The following RASAL2 variants were observed in gnomAD, a reference collection of about 807,000 sequenced individuals.
RASAL2 encodes the protein RAS protein activator like 2, also known as ras GTPase-activating protein nGAP.
A neutral mutation model predicts 128.9 loss-of-function variants in RASAL2; 58 were observed. That is an observed-to-expected ratio of 0.45 (90% CI 0.36 to 0.56). RASAL2 has a LOEUF of 0.56. Ranked by LOEUF, RASAL2 falls within the 20% of genes least tolerant of loss-of-function variation. RASAL2 has a pLI of 0.00. For missense variants in RASAL2, 1,360 were observed against 1,601.6 expected, an observed-to-expected ratio of 0.85 and a Z score of 2.57; for synonymous variants, 561 against 580.8, an observed-to-expected ratio of 0.97 and a Z score of 0.49.
intron 1 of RASAL2, among the ~76,000 whole-genome samples, chr1:178,156,585 A>C (rs1268376641): frequency 6.6e-6 from 1 of 152,182 alleles, no homozygotes; most frequent in Non-Finnish European, 1.5e-5. Context: ...TACACGTGAA[A>C]GTGTATATAT....
intron 3 of RASAL2, among the ~76,000 whole-genome samples, chr1:178,386,116 C>A (rs1672552381): frequency 2.0e-5 from 3 of 152,196 alleles, no homozygotes; most frequent in African/African-American, 7.2e-5. Flanking sequence ...AAATTGACTT[C>A]TGTTTGTTGA....
rs185369375 is a variant in RASAL2, at chr1:178,338,120, T to A, written c.457+38002T>A. Among the ~76,000 whole-genome samples, 1,083 of 151,902 alleles carry A rather than the reference T, an allele frequency of 7.1e-3. 4 individuals are homozygous for A. Among genetic ancestry groups the A allele is most frequent in the Non-Finnish European group, 0.01 (699 of 67,958 alleles). On this transcript the variant is annotated intron_variant, in intron 3 of 17. Coordinates refer to ENST00000367649, the MANE Select transcript of RASAL2 (RefSeq NM_170692.4). The stretch of plus-strand genomic sequence containing the variant: ...TGCATTTATGGTTTCAGAATTTTTT[T>A]TTATTATTTATTTATTTATTTATTT...
intron 1 of RASAL2, among the ~76,000 whole-genome samples, chr1:178,231,922 G>A (rs1483357797): frequency 1.3e-5 from 2 of 152,126 alleles, no homozygotes; most frequent in African/African-American, 4.8e-5. Flanking sequence ...AAATCAAAAT[G>A]CAGTTATTGG....
intron 4 of RASAL2, among the ~76,000 whole-genome samples, chr1:178,412,375 A>G (rs1674447551): frequency 6.6e-6 from 1 of 152,198 alleles, no homozygotes; most frequent in Non-Finnish European, 1.5e-5. Context: ...TAAGCTAGGT[A>G]AAGTCCAGCT....
chr1:178,370,126 A>G (rs1671618009), intron 3 of RASAL2, among the ~76,000 whole-genome samples: 1 of 152,238 alleles, frequency 6.6e-6, no homozygotes, highest in Non-Finnish European at 1.5e-5. Context: ...GCAGTTGAAC[A>G]AAACAAAACA....
intron 1 of RASAL2, among the ~76,000 whole-genome samples, chr1:178,159,932 A>AT (rs1166671433): frequency 2.0e-5 from 3 of 152,134 alleles, no homozygotes. Context: ...AACAAAAAAA[A>AT]CTACTGTGGA....
chr1:178,443,866 A>G (rs1676828535), intron 8 of RASAL2, among the ~76,000 whole-genome samples: 1 of 152,190 alleles, frequency 6.6e-6, no homozygotes, highest in African/African-American at 2.4e-5. Context: ...TATGAAGGAT[A>G]TTAACTAGGA....
chr1:178,320,227 G>A (rs1668691732), intron 3 of RASAL2, among the ~76,000 whole-genome samples: 1 of 151,994 alleles, frequency 6.6e-6, no homozygotes, highest in Non-Finnish European at 1.5e-5. Context: ...TAAGTCTGCA[G>A]AGGTTACTGC....
intron 1 of RASAL2, among the ~76,000 whole-genome samples, chr1:178,162,064 A>G (rs1463066068): frequency 6.7e-6 from 1 of 150,372 alleles, no homozygotes; most frequent in East Asian, 1.9e-4. Context: ...TCTCAGCTTC[A>G]CGCCATTCTC....
At chr1:178,194,416 A>C (rs1662591642) in intron 1 of RASAL2, 2 of 220,266 alleles carry the variant, frequency 9.1e-6, no homozygotes, top group South Asian at 1.7e-4. Context: ...TAGCACACAG[A>C]GTAGTGTCTT....
chr1:178,304,968 A>G (rs1354981413), intron 3 of RASAL2, among the ~76,000 whole-genome samples: 1 of 152,234 alleles, frequency 6.6e-6, no homozygotes, highest in Non-Finnish European at 1.5e-5. Context: ...AGGATACCAA[A>G]TCAGCATACA....
At chr1:178,349,867 A>G (rs934839292) in intron 3 of RASAL2, among the ~76,000 whole-genome samples, 4 of 152,178 alleles carry the variant, frequency 2.6e-5, no homozygotes, top group East Asian at 1.9e-4. Flanking sequence ...TCATTGTGAA[A>G]TGTGAAAATA....
At chr1:178,359,995 G>A (rs1446300902) in intron 3 of RASAL2, among the ~76,000 whole-genome samples, 1 of 152,180 alleles carries the variant, frequency 6.6e-6, no homozygotes, top group African/African-American at 2.4e-5. Context: ...TGTAAGGGGT[G>A]AAGAGTGGGG....
At chr1:178,452,736 C>A in intron 11 of RASAL2, 84 bp downstream of exon 11, 2 of 1,098,740 alleles carry the variant, frequency 1.8e-6, no homozygotes, top group Non-Finnish European at 2.7e-6. Context: ...TTGGGAGCCT[C>A]ATCACTCATG....
At chr1:178,317,370 C>A (rs994565416) in intron 3 of RASAL2, among the ~76,000 whole-genome samples, 5 of 145,814 alleles carry the variant, frequency 3.4e-5, no homozygotes, top group African/African-American at 1.3e-4. Flanking sequence ...AGGAATGGTA[C>A]CAGTTCCTCC....
intron 3 of RASAL2, among the ~76,000 whole-genome samples, chr1:178,379,479 CT>C (rs1436235578): frequency 3.3e-5 from 5 of 152,096 alleles, no homozygotes; most frequent in Admixed American, 1.3e-4. Context: ...AGTTTAAAAT[CT>C]ACCACTGATT....
intron 1 of RASAL2, among the ~76,000 whole-genome samples, chr1:178,271,091 T>C (rs1666229114): frequency 6.6e-6 from 1 of 152,202 alleles, no homozygotes; most frequent in South Asian, 2.1e-4. Flanking sequence ...ATCTATATAA[T>C]GGGCGAGAGG....
chr1:178,396,413 C>T (rs1477752706), intron 4 of RASAL2, among the ~76,000 whole-genome samples: 2 of 152,110 alleles, frequency 1.3e-5, no homozygotes, highest in Admixed American at 1.3e-4. Context: ...GAGATAAACA[C>T]TTTGAAGGCC....
intron 5 of RASAL2, among the ~76,000 whole-genome samples, chr1:178,428,564 A>G (rs144806623): frequency 3.3e-5 from 5 of 151,526 alleles, no homozygotes; most frequent in African/African-American, 9.7e-5. Flanking sequence ...TGTTCTCTCT[A>G]TATATATATT....
Sources: gnomAD v4.1 joint callset for allele counts (sites outside exome capture counted in the v4.1 genomes callset) on GRCh38, gnomAD v4.1.1 for gene constraint, MANE v1.5 for transcripts, NCBI Gene and HGNC (gene_info 2026-07-23, HGNC 2026-07-21) for gene names.